BCL2L1: variants seen among roughly 807,000 people sequenced by gnomAD.
The protein encoded by BCL2L1 is BCL2 like 1.
Under a neutral mutation model 18.7 loss-of-function variants are expected in BCL2L1, and 1 was observed. That is an observed-to-expected ratio of 0.05 (90% CI 0.02 to 0.25). BCL2L1 has a LOEUF of 0.25. Among genes scored for constraint, BCL2L1 ranks in the 10% least tolerant of loss-of-function variants. The pLI is 1.00. For synonymous variants in BCL2L1, 103 were observed against 122.7 expected (o/e 0.84, Z 1.06); for missense variants, 207 against 304.9 (o/e 0.68, Z 2.39).
At position 31,721,862 on chromosome 20, in the gene BCL2L1, T is replaced by C. The variant is rs2122874459; in HGVS notation, c.357A>G (p.Ala119=). The C allele has an allele frequency of 6.2e-7, 1 of 1,614,208 alleles. No individual in the cohort carries two copies. The highest frequency in any genetic ancestry group is 1.1e-5 in the South Asian group (1 of 91,090). ...TCACTACCTGTTCAAAGCTCTGATATGCTGTCCCTGGGGTGATGTGGAGCT... is the reference window on the plus strand; with the variant it reads ...TCACTACCTGTTCAAAGCTCTGATACGCTGTCCCTGGGGTGATGTGGAGCT... ...TSQLHITPGT[A]YQSFEQVVNE... Residue 119 remains alanine, a synonymous_variant, in exon 2 of 3, where the codon GCA becomes GCG. Coordinates refer to ENST00000307677, the MANE Select transcript of BCL2L1 (RefSeq NM_138578.3).
intron 2 of BCL2L1, among the ~76,000 whole-genome samples, chr20:31,699,934 A>G (rs1379832175): frequency 2.6e-5 from 4 of 152,216 alleles, no homozygotes; most frequent in South Asian, 4.1e-4. Flanking sequence ...ACCTCCATCT[A>G]TAACACAAAA....
At chr20:31,723,491 G>A, upstream of BCL2L1, 1 of 985,398 alleles carries the variant, frequency 1.0e-6, no homozygotes, top group Non-Finnish European at 1.2e-6. Flanking sequence ...CCCAGGGTGG[G>A]CCGGCTGCGG....
intron 2 of BCL2L1, among the ~76,000 whole-genome samples, chr20:31,690,177 G>A (rs1182878312): frequency 2.0e-5 from 3 of 151,990 alleles, no homozygotes; most frequent in African/African-American, 4.8e-5. Context: ...TCAACCTCCC[G>A]GACTGAAGAG....
In BCL2L1 at chr20:31,722,109, G is replaced by T. The variant is rs1175487979; in HGVS notation, c.110C>A (p.Ala37Asp). ...FSDVEENRTE[A>D]PEGTESEMET... is the part of the protein sequence containing the mutation. ...CATCTCCGATTCAGTCCCTTCTGGGGCCTCAGTCCTGTTCTCTTCCACATC... is the reference window on the plus strand; with the variant it reads ...CATCTCCGATTCAGTCCCTTCTGGGTCCTCAGTCCTGTTCTCTTCCACATC... The change falls in exon 2 of 3, where the codon GCC becomes GAC. Residue 37 changes from alanine (A) to aspartate (D), a missense_variant. Coordinates refer to ENST00000307677, the MANE Select transcript of BCL2L1 (RefSeq NM_138578.3). 3.2e-6 allele frequency: 5 copies of T among 1,573,950 alleles called. No homozygotes were observed. The highest frequency in any genetic ancestry group is 3.4e-6 in the Non-Finnish European group (4 of 1,161,626).
chr20:31,708,993 G>A (rs1001357906), intron 2 of BCL2L1, among the ~76,000 whole-genome samples: 1 of 152,230 alleles, frequency 6.6e-6, no homozygotes, highest in African/African-American at 2.4e-5. Context: ...GCAGGTTGCA[G>A]GTGCCTCTGG....
upstream of BCL2L1, chr20:31,723,483 C>T: frequency 1.0e-6 from 1 of 985,398 alleles, no homozygotes; most frequent in Non-Finnish European, 1.2e-6. Flanking sequence ...CTCCGGAGCC[C>T]AGGGTGGGCC....
At chr20:31,692,966 G>T (rs1280577766) in intron 2 of BCL2L1, among the ~76,000 whole-genome samples, 1 of 150,070 alleles carries the variant, frequency 6.7e-6, no homozygotes, top group Non-Finnish European at 1.5e-5. Flanking sequence ...AGCTACTCGG[G>T]AGACTGAGGC....
rs964627206 is a variant in BCL2L1 at position 31,687,919 on chromosome 20, G to A, written c.565-21833C>T. On this transcript the variant is annotated intron_variant, in intron 2 of 2. Transcript: ENST00000307677. Reference sequence around the variant, plus strand: ...GTACTGTAAGAGCACAGGCATCAGAGGATTGAAACCTGGGCTTAATCCTAG... The same window carrying A: ...GTACTGTAAGAGCACAGGCATCAGAAGATTGAAACCTGGGCTTAATCCTAG... Among the ~76,000 whole-genome samples, 5 of 152,090 alleles carry A rather than the reference G, an allele frequency of 3.3e-5. No homozygotes were observed. In the South Asian group the frequency reaches 1.0e-3, roughly 32 times the overall value.
chr20:31,718,311 C>T (rs767878288), intron 2 of BCL2L1, among the ~76,000 whole-genome samples: 5 of 152,198 alleles, frequency 3.3e-5, no homozygotes, highest in Non-Finnish European at 7.4e-5. Flanking sequence ...TCTCCCCACA[C>T]GCACACCACT....
intron 2 of BCL2L1, among the ~76,000 whole-genome samples, chr20:31,704,434 G>GT (rs2122727185): frequency 6.6e-6 from 1 of 152,280 alleles, no homozygotes; most frequent in South Asian, 2.1e-4. Flanking sequence ...TTTGGCTGGA[G>GT]TATTGGGCAA....
chr20:31,668,666 G>C (rs369510914), intron 2 of BCL2L1, among the ~76,000 whole-genome samples: 1 of 147,182 alleles, frequency 6.8e-6, no homozygotes, highest in African/African-American at 2.5e-5. Context: ...GTACAATGGC[G>C]CGATCTCAGC....
At chr20:31,709,856 A>G (rs1486773056) in intron 2 of BCL2L1, among the ~76,000 whole-genome samples, 1 of 150,586 alleles carries the variant, frequency 6.6e-6, no homozygotes, top group Non-Finnish European at 1.5e-5. Context: ...AAAAAAAAAA[A>G]AAAAAAAAAA....
chr20:31,720,932 T>C lies in BCL2L1; in HGVS notation c.564+723A>G, dbSNP rs943674320. The C allele has an allele frequency of 1.7e-5, 17 of 985,180 alleles. No homozygotes were observed. The Admixed American group carries it at 8.0e-4, about 46-fold the overall frequency. 61.0% of individuals were successfully genotyped at this position (985,180 alleles called of 1,614,324 possible). A position where few individuals can be genotyped will look rare whatever the true frequency, so the allele number is the denominator to read the frequency against. ...CCCCAACCGACCCCAGGCAATGAGG[T>C]GCAAAGTCCCCTGGCTTAATGTGTG... On this transcript the variant is annotated intron_variant, in intron 2 of 2. Coordinates refer to ENST00000307677, the MANE Select transcript of BCL2L1 (RefSeq NM_138578.3).
chr20:31,670,158 G>A (rs891791771), intron 2 of BCL2L1, among the ~76,000 whole-genome samples: 2 of 152,188 alleles, frequency 1.3e-5, no homozygotes, highest in African/African-American at 4.8e-5. Context: ...CTGGGGAAAG[G>A]AGGGCACTAG....
In BCL2L1 at chr20:31,690,043, G is replaced by C. The variant is rs111638379; in HGVS notation, c.565-23957C>G. On this transcript the variant is annotated intron_variant, in intron 2 of 2. Coordinates refer to ENST00000307677, the MANE Select transcript of BCL2L1 (RefSeq NM_138578.3). The stretch of plus-strand genomic sequence containing the variant: ...CAAAAAAGAAAAAAAGAAAAGATGT[G>C]CTACCTCACAAGTAGCCCTGGAAAT... Among the ~76,000 whole-genome samples, 255 of 152,216 alleles carry C rather than the reference G, an allele frequency of 1.7e-3. 3 individuals are homozygous for C. The highest frequency in any genetic ancestry group is 6.0e-3 in the African/African-American group (248 of 41,530).
rs752087715 is a variant in BCL2L1, at chr20:31,703,085, C to T, written c.564+18570G>A. On this transcript the variant is annotated intron_variant, in intron 2 of 2. Coordinates refer to ENST00000307677, the MANE Select transcript of BCL2L1 (RefSeq NM_138578.3). ...TTGAGACAGAGTTTTGCTCTTGTTG[C>T]CCAGGCTGGAGTGCAATGGTGCAAT... 1.5e-3 allele frequency among the ~76,000 whole-genome samples: 224 copies of T among 151,952 alleles called. 2 individuals carry two copies. Among genetic ancestry groups the T allele is most frequent in the Admixed American group, 4.4e-3 (67 of 15,260 alleles).
At chr20:31,679,527 T>C (rs1390265063) in intron 2 of BCL2L1, among the ~76,000 whole-genome samples, 1 of 152,170 alleles carries the variant, frequency 6.6e-6, no homozygotes, top group Non-Finnish European at 1.5e-5. Context: ...GCAAGACACT[T>C]TCCCCCTCCA....
chr20:31,722,463 C>T, intron 1 of BCL2L1, 115 bp from the exon 2 acceptor site: 1 of 360,374 alleles, frequency 2.8e-6, no homozygotes, highest in Non-Finnish European at 4.9e-6. Flanking sequence ...GGTCTAGGTT[C>T]CAAGATACTT....
intron 2 of BCL2L1, among the ~76,000 whole-genome samples, chr20:31,713,010 A>G (rs903668124): frequency 6.6e-6 from 1 of 152,088 alleles, no homozygotes; most frequent in African/African-American, 2.4e-5. Flanking sequence ...GGCAGGATTT[A>G]TATGTGCCAA....
Sources: gnomAD v4.1 joint callset for allele counts (sites outside exome capture counted in the v4.1 genomes callset) on GRCh38, gnomAD v4.1.1 for gene constraint, MANE v1.5 for transcripts, NCBI Gene and HGNC (gene_info 2026-07-23, HGNC 2026-07-21) for gene names.